The following DLGAP2 variants were observed in gnomAD, a reference collection of about 807,000 sequenced individuals.
The protein encoded by DLGAP2 is DLG associated protein 2.
In DLGAP2, 26 loss-of-function variants were observed where a neutral mutation model predicts 100.3. That is an observed-to-expected ratio of 0.26 (90% CI 0.19 to 0.36). The LOEUF is 0.36. Ranked by LOEUF, DLGAP2 falls within the 10% of genes least tolerant of loss-of-function variation. The probability of loss-of-function intolerance (pLI) is 1.00; values close to 1 mark genes in which losing one functional copy is unlikely to be tolerated. For synonymous variants in DLGAP2, 886 were observed against 630.1 expected (o/e 1.41, Z -6.08); for missense variants, 1,858 against 1,453.2 (o/e 1.28, Z -4.53).
At chr8:1,112,047 T>C (rs757851139) in intron 2 of DLGAP2, among the ~76,000 whole-genome samples, 34 of 152,238 alleles carry the variant, frequency 2.2e-4, no homozygotes, top group Non-Finnish European at 4.4e-4. Flanking sequence ...TGTTCCTTTT[T>C]CTCCACAACC....
At chr8:917,213 CCATCCCTCCCTCCCTCCCTT>C (rs1313337913) in intron 2 of DLGAP2, among the ~76,000 whole-genome samples, 3 of 122,128 alleles carry the variant, frequency 2.5e-5, no homozygotes, top group Middle Eastern at 4.0e-3. Context: ...CTCCCTCCCT[CCATCCCTCCCTCCCTCCCTT>C]CCTTCCTTCC....
chr8:1,416,605 G>T (rs1269050875), intron 3 of DLGAP2, among the ~76,000 whole-genome samples: 1 of 152,042 alleles, frequency 6.6e-6, no homozygotes, highest in Non-Finnish European at 1.5e-5. Flanking sequence ...CCATGAAAAC[G>T]AACAGTTTTT....
chr8:1,308,190 C>G (rs1159121172), intron 3 of DLGAP2, among the ~76,000 whole-genome samples: 4 of 152,184 alleles, frequency 2.6e-5, no homozygotes, highest in Admixed American at 1.3e-4. Context: ...GGACAGAACG[C>G]CTGCAGAGAA....
intron 2 of DLGAP2, among the ~76,000 whole-genome samples, chr8:1,147,063 G>A (rs900127812): frequency 4.6e-5 from 7 of 152,134 alleles, no homozygotes; most frequent in Admixed American, 3.3e-4. Context: ...TATGGAATCC[G>A]TAAATTAAAA....
chr8:1,365,664 G>T (rs749161371), intron 3 of DLGAP2, among the ~76,000 whole-genome samples: 1 of 152,150 alleles, frequency 6.6e-6, no homozygotes, highest in East Asian at 1.9e-4. Context: ...CAAGTGTGCC[G>T]AGCCAAGCAA....
chr8:1,100,735 C>T (rs1213324069), intron 2 of DLGAP2, among the ~76,000 whole-genome samples: 3 of 152,170 alleles, frequency 2.0e-5, no homozygotes, highest in African/African-American at 7.2e-5. Context: ...CATTCTCTTT[C>T]CACGCATGAT....
chr8:1,478,926 T>C (rs1367818052), intron 3 of DLGAP2, among the ~76,000 whole-genome samples: 1 of 152,250 alleles, frequency 6.6e-6, no homozygotes, highest in Non-Finnish European at 1.5e-5. Flanking sequence ...CGGCGCATCC[T>C]GGAGACTGAA....
At chr8:1,672,231 T>TTA (rs1798707886) in intron 10 of DLGAP2, among the ~76,000 whole-genome samples, 1 of 143,192 alleles carries the variant, frequency 7.0e-6, no homozygotes, top group Admixed American at 7.2e-5. Context: ...ATTTTTAATT[T>TTA]TTTTTTTTTT....
At chr8:981,978 C>A (rs73176515) in intron 2 of DLGAP2, among the ~76,000 whole-genome samples, 2 of 152,210 alleles carry the variant, frequency 1.3e-5, no homozygotes. Flanking sequence ...TACCACATCC[C>A]TGGCCTTGGA....
At chr8:1,169,633 T>C (rs1039863300) in intron 2 of DLGAP2, among the ~76,000 whole-genome samples, 8 of 152,180 alleles carry the variant, frequency 5.3e-5, no homozygotes, top group African/African-American at 9.7e-5. Flanking sequence ...TATTTTATTC[T>C]CTTTGAAGCA....
At chr8:1,183,178 A>T (rs923276508) in intron 2 of DLGAP2, among the ~76,000 whole-genome samples, 3 of 152,032 alleles carry the variant, frequency 2.0e-5, no homozygotes, top group Non-Finnish European at 4.4e-5. Context: ...AGCAGCCAGG[A>T]TCTAGGATGG....
chr8:1,445,776 G>A (rs1222178663), intron 3 of DLGAP2, among the ~76,000 whole-genome samples: 1 of 152,218 alleles, frequency 6.6e-6, no homozygotes, highest in East Asian at 1.9e-4. Flanking sequence ...TTTAATGATT[G>A]CCATTCTAAC....
intron 1 of DLGAP2, among the ~76,000 whole-genome samples, chr8:794,137 A>T (rs1795978244): frequency 6.8e-6 from 1 of 146,440 alleles, no homozygotes; most frequent in Admixed American, 6.9e-5. Flanking sequence ...GATTAGATAA[A>T]CTACATCTAT....
At chr8:856,056 G>A (rs772012025) in intron 1 of DLGAP2, among the ~76,000 whole-genome samples, 3 of 151,626 alleles carry the variant, frequency 2.0e-5, no homozygotes, top group Non-Finnish European at 2.9e-5. Context: ...AATGCAATAA[G>A]ACAAGAAAAG....
chr8:1,201,085 C>T (rs551394396), intron 2 of DLGAP2, among the ~76,000 whole-genome samples: 5 of 152,304 alleles, frequency 3.3e-5, no homozygotes, highest in African/African-American at 1.2e-4. Context: ...CAGAGACCAG[C>T]ACTGGGGAGG....
At chr8:856,345 C>T (rs191917902) in intron 1 of DLGAP2, among the ~76,000 whole-genome samples, 5 of 152,094 alleles carry the variant, frequency 3.3e-5, no homozygotes, top group African/African-American at 7.2e-5. Context: ...CACACCACCA[C>T]GCCTGGCTAA....
At chr8:777,876 C>T (rs1198602927) in intron 1 of DLGAP2, among the ~76,000 whole-genome samples, 1 of 152,066 alleles carries the variant, frequency 6.6e-6, no homozygotes, top group East Asian at 1.9e-4. Context: ...CTCTGTGTTT[C>T]CTGAATCTGA....
chr8:978,669 G>T (rs1348330867), intron 2 of DLGAP2, among the ~76,000 whole-genome samples: 1 of 151,728 alleles, frequency 6.6e-6, no homozygotes, highest in African/African-American at 2.4e-5. Flanking sequence ...GGTCTTTGGT[G>T]TTGTGGGGAG....
chr8:1,253,662 G>C (rs937796871), intron 2 of DLGAP2, among the ~76,000 whole-genome samples: 1 of 152,104 alleles, frequency 6.6e-6, no homozygotes, highest in Non-Finnish European at 1.5e-5. Context: ...GTGTGGTGAG[G>C]GTTCAGGTTC....
Sources: allele counts gnomAD v4.1 joint callset (sites outside exome capture counted in the v4.1 genomes callset), GRCh38; gene constraint gnomAD v4.1.1; transcripts MANE v1.5; gene names NCBI Gene and HGNC (gene_info 2026-07-23, HGNC 2026-07-21).